The following TENM4 variants were observed in gnomAD, a reference collection of about 807,000 sequenced individuals.
The protein encoded by TENM4 is teneurin-4.
In TENM4, 82 loss-of-function variants were observed where a neutral mutation model predicts 243.3. That is an observed-to-expected ratio of 0.34 (90% confidence interval 0.28 to 0.40). The LOEUF (loss-of-function observed/expected upper bound fraction) is 0.40. Ranked by LOEUF, TENM4 falls within the 10% of genes least tolerant of loss-of-function variation. The pLI is 1.00. For synonymous variants in TENM4, 1,412 were observed against 1,456.3 expected (o/e 0.97, Z 0.69); for missense variants, 3,138 against 3,673.3 (o/e 0.85, Z 3.77).
rs1279439028 is a variant in TENM4 at position 78,658,494 on chromosome 11, G to A, written c.7874C>T (p.Ser2625Leu). ...DTHYFVKPGP[S>L]EGDLAILGLS... is the part of the protein sequence containing the mutation. Reference sequence around the variant, plus strand: ...GCCCAGGATGGCCAGGTCACCTTCTGAAGGTCCTGGTTTCACAAAGTAATG... The same window carrying A: ...GCCCAGGATGGCCAGGTCACCTTCTAAAGGTCCTGGTTTCACAAAGTAATG... The change falls in exon 34 of 34, where the codon TCA becomes TTA. Residue 2625 changes from serine (S) to leucine (L), a missense_variant. Ser to Leu is a moderately radical substitution (Grantham distance 145). This residue lies in a region of TENM4 where 2,467 missense variants were observed against 3,059.1 expected (regional missense o/e 0.81). Coordinates refer to ENST00000278550, the MANE Select transcript of TENM4 (RefSeq NM_001098816.3). 1 of 1,614,052 alleles carries A rather than the reference G, an allele frequency of 6.2e-7. No homozygotes were observed. Among genetic ancestry groups the A allele is most frequent in the Admixed American group, 1.7e-5 (1 of 60,030 alleles).
chr11:79,141,422 C>T (rs1862283241), intron 4 of TENM4, among the ~76,000 whole-genome samples: 1 of 152,024 alleles, frequency 6.6e-6, no homozygotes, highest in African/African-American at 2.4e-5. Context: ...ACATACACAT[C>T]CTACAAATAT....
chr11:78,676,286 C>T lies in TENM4; in HGVS notation c.5362G>A (p.Ala1788Thr), dbSNP rs1858474040. The stretch of plus-strand genomic sequence containing the variant: ...CCCACGGTGGGGTTGACGGTGCCAG[C>T]CAGCAAGTGGGGCTCAGTCTGCAGC... Reference protein sequence around the residue: ...VALQTEPHLLAGTVNPTVGKR... With the variant: ...VALQTEPHLLTGTVNPTVGKR... Residue 1788 changes from alanine (A) to threonine (T), a missense_variant, in exon 30 of 34, where the codon GCT becomes ACT. Physicochemically the swap from Ala to Thr is moderately conservative, Grantham distance 58. Coordinates refer to ENST00000278550, the MANE Select transcript of TENM4 (RefSeq NM_001098816.3). 6.2e-7 allele frequency: 1 copy of T among 1,612,742 alleles called. No individual in the cohort carries two copies. The highest frequency in any genetic ancestry group is 1.7e-5 in the Admixed American group (1 of 59,990).
At chr11:79,364,503 A>T (rs1857643741) in intron 1 of TENM4, among the ~76,000 whole-genome samples, 1 of 152,214 alleles carries the variant, frequency 6.6e-6, no homozygotes, top group Non-Finnish European at 1.5e-5. Context: ...CTCCGTAGGT[A>T]TGGGAAAGCT....
chr11:78,664,150 A>G (rs969817589), intron 32 of TENM4, among the ~76,000 whole-genome samples: 13 of 152,248 alleles, frequency 8.5e-5, no homozygotes, highest in Admixed American at 7.2e-4. Context: ...CATATTGACA[A>G]TGGAAATGGT....
At chr11:78,897,955 G>A (rs925011695) in intron 7 of TENM4, among the ~76,000 whole-genome samples, 4 of 152,178 alleles carry the variant, frequency 2.6e-5, no homozygotes, top group African/African-American at 9.7e-5. Context: ...CCAAGGTCTG[G>A]CAGCCTTCTG....
intron 2 of TENM4, among the ~76,000 whole-genome samples, chr11:79,240,849 T>C (rs1035738848): frequency 4.6e-5 from 7 of 152,196 alleles, no homozygotes; most frequent in Non-Finnish European, 1.5e-5. Context: ...TGACTAATTT[T>C]CATTTTCCCG....
chr11:78,723,835 C>T (rs978987878), intron 23 of TENM4, among the ~76,000 whole-genome samples: 3 of 152,148 alleles, frequency 2.0e-5, no homozygotes, highest in African/African-American at 7.2e-5. Context: ...CAAAGCTGTC[C>T]TTTGTTCAAT....
At chr11:79,301,791 C>G (rs1007656858) in intron 1 of TENM4, among the ~76,000 whole-genome samples, 2 of 152,130 alleles carry the variant, frequency 1.3e-5, no homozygotes, top group Admixed American at 6.5e-5. Context: ...GGCCTCACCC[C>G]CCTTGCTCCC....
intron 1 of TENM4, among the ~76,000 whole-genome samples, chr11:79,299,325 G>T (rs1565289194): frequency 6.6e-6 from 1 of 151,966 alleles, no homozygotes; most frequent in Non-Finnish European, 1.5e-5. Context: ...GGGTCACACA[G>T]CTAGTAACTG....
At chr11:79,267,192 C>T (rs779237044) in intron 2 of TENM4, among the ~76,000 whole-genome samples, 7 of 152,132 alleles carry the variant, frequency 4.6e-5, no homozygotes, top group Non-Finnish European at 1.0e-4. Flanking sequence ...AGCTCTACAA[C>T]CTACACATGC....
Position 79,260,171 on chromosome 11 carries a change from G to A in TENM4, c.-265+37317C>T, listed in dbSNP as rs145106447. On this transcript the variant is annotated intron_variant, in intron 2 of 33. Transcript: ENST00000278550. ...AAATATAACTTCATTTAAGGGCATC[G>A]GTGAGCCGATAGTCACTTTCAATCA... Among the ~76,000 whole-genome samples the A allele has an allele frequency of 9.9e-5, 15 of 152,250 alleles. No individual in the cohort carries two copies. The East Asian group carries it at 1.4e-3, about 14-fold the overall frequency.
chr11:79,429,324 T>C (rs980654420), intron 1 of TENM4, among the ~76,000 whole-genome samples: 1 of 151,660 alleles, frequency 6.6e-6, no homozygotes, highest in East Asian at 1.9e-4. Flanking sequence ...TTCACATCCT[T>C]CCCCCTCCCG....
chr11:78,881,043 A>G (rs1855420688), intron 9 of TENM4, among the ~76,000 whole-genome samples: 1 of 152,168 alleles, frequency 6.6e-6, no homozygotes, highest in Non-Finnish European at 1.5e-5. Context: ...AAAATGTGTT[A>G]ATTTTCTGTA....
chr11:79,252,261 G>A (rs1855624078), intron 2 of TENM4, among the ~76,000 whole-genome samples: 1 of 152,206 alleles, frequency 6.6e-6, no homozygotes, highest in Admixed American at 6.5e-5. Flanking sequence ...TTGAGACTGA[G>A]TCTTGCTCTG....
At position 78,661,470 on chromosome 11, in the gene TENM4, C is replaced by T. The variant is rs1858028501; in HGVS notation, c.7530G>A (p.Thr2510=). 5 of 1,609,680 alleles carry T rather than the reference C, an allele frequency of 3.1e-6. No individual in the cohort carries two copies. The highest frequency in any genetic ancestry group is 1.3e-5 in the African/African-American group (1 of 74,866). Residue 2510 remains threonine, a synonymous_variant, in exon 33 of 34, where the codon ACG becomes ACA. Coordinates refer to ENST00000278550, the MANE Select transcript of TENM4 (RefSeq NM_001098816.3). ...SYELIHTQMK[T]QEWDNSKSIL... The stretch of plus-strand genomic sequence containing the variant: ...TTACCTTGCTGTTGTCCCACTCCTG[C>T]GTTTTCATCTGTGTGTGGATGAGCT...
At chr11:79,263,808 G>A (rs1215932804) in intron 2 of TENM4, among the ~76,000 whole-genome samples, 1 of 152,102 alleles carries the variant, frequency 6.6e-6, no homozygotes, top group South Asian at 2.1e-4. Context: ...GCTCTCCCTT[G>A]GTATATATGG....
intron 1 of TENM4, among the ~76,000 whole-genome samples, chr11:79,314,887 G>A (rs1159199410): frequency 6.6e-6 from 1 of 152,230 alleles, no homozygotes; most frequent in Admixed American, 6.5e-5. Context: ...TCTGTGTGAG[G>A]CCTGGGTTTC....
At chr11:78,945,494 C>T (rs1240708810) in intron 6 of TENM4, among the ~76,000 whole-genome samples, 2 of 152,202 alleles carry the variant, frequency 1.3e-5, no homozygotes, top group East Asian at 1.9e-4. Context: ...TTCCCTGAGA[C>T]ATAATGATAT....
intron 1 of TENM4, among the ~76,000 whole-genome samples, chr11:79,308,546 T>A (rs1350720412): frequency 1.3e-5 from 2 of 152,270 alleles, no homozygotes; most frequent in Non-Finnish European, 2.9e-5. Flanking sequence ...TTACCCATAT[T>A]CACAGTGGGA....
Sources: allele counts gnomAD v4.1 joint callset (sites outside exome capture counted in the v4.1 genomes callset), GRCh38; gene constraint gnomAD v4.1.1; regional missense constraint gnomAD v4.1.1; transcripts MANE v1.5; gene names NCBI Gene and HGNC (gene_info 2026-07-23, HGNC 2026-07-21).